Variants in TLL1 observed in about 807,000 individuals in gnomAD.
TLL1 encodes the protein tolloid-like protein 1.
TLL1 carries 49 observed loss-of-function variants against 128.2 expected under a neutral mutation model. That is an observed-to-expected ratio of 0.38 (90% CI 0.30 to 0.48). The LOEUF is 0.48. Ranked by LOEUF, TLL1 falls within the 20% of genes least tolerant of loss-of-function variation. TLL1 has a pLI of 0.96. For synonymous variants in TLL1, 454 were observed against 418.8 expected (o/e 1.08, Z -1.03); for missense variants, 1,123 against 1,242.0 (o/e 0.90, Z 1.44).
chr4:165,874,091 T>C lies in TLL1; in HGVS notation c.169+18T>C. Reference sequence around the variant, plus strand: ...TAAAGCCGGTAAGTGGCTCTCCAGGTTGGGACGGTGGCGCGCCGGGGGCCG... The same window carrying C: ...TAAAGCCGGTAAGTGGCTCTCCAGGCTGGGACGGTGGCGCGCCGGGGGCCG... On this transcript the variant is annotated intron_variant, in intron 1 of 20. Transcript: ENST00000061240. 6.2e-7 allele frequency: 1 copy of C among 1,613,872 alleles called. No individual in the cohort carries two copies. The highest frequency in any genetic ancestry group is 1.7e-4 in the Middle Eastern group (1 of 6,028).
intron 1 of TLL1, among the ~76,000 whole-genome samples, chr4:165,888,061 A>T (rs1449212075): frequency 6.6e-6 from 1 of 152,172 alleles, no homozygotes; most frequent in African/African-American, 2.4e-5. Context: ...CATATAGGCA[A>T]TCAGATTATC....
chr4:166,100,536 G>A (rs535233480), intron 20 of TLL1, among the ~76,000 whole-genome samples: 7 of 152,178 alleles, frequency 4.6e-5, no homozygotes, highest in South Asian at 4.1e-4. Context: ...CCGACTAGTC[G>A]CGTGAGCTCT....
intron 1 of TLL1, among the ~76,000 whole-genome samples, chr4:165,981,888 C>G (rs991961835): frequency 1.3e-5 from 2 of 151,918 alleles, no homozygotes; most frequent in African/African-American, 2.4e-5. Flanking sequence ...TCTGCAAACC[C>G]GAAAAGAAAA....
intron 7 of TLL1, among the ~76,000 whole-genome samples, chr4:166,013,762 A>G (rs1309794415): frequency 6.6e-6 from 1 of 151,784 alleles, no homozygotes; most frequent in East Asian, 1.9e-4. Flanking sequence ...TTTTACCACA[A>G]TCTTGAGTCC....
intron 9 of TLL1, among the ~76,000 whole-genome samples, chr4:166,039,049 T>C (rs927215949): frequency 6.6e-6 from 1 of 152,094 alleles, no homozygotes; most frequent in Admixed American, 6.5e-5. Context: ...TGCTTTACAA[T>C]TGTCCAGATT....
intron 1 of TLL1, among the ~76,000 whole-genome samples, chr4:165,959,260 T>C (rs185895878): frequency 6.6e-6 from 1 of 152,260 alleles, no homozygotes; most frequent in Admixed American, 6.5e-5. Context: ...AAGTCATCGG[T>C]AGCTTGATGG....
chr4:165,903,689 T>G (rs1402580435), intron 1 of TLL1, among the ~76,000 whole-genome samples: 1 of 151,140 alleles, frequency 6.6e-6, no homozygotes, highest in Admixed American at 6.6e-5. Flanking sequence ...GGGATTACCG[T>G]CGTAAGCCAC....
At chr4:165,926,988 C>T (rs1459962941) in intron 1 of TLL1, among the ~76,000 whole-genome samples, 6 of 152,112 alleles carry the variant, frequency 3.9e-5, no homozygotes, top group East Asian at 1.9e-4. Flanking sequence ...TAGCTCTGGC[C>T]ATTGACTATT....
intron 1 of TLL1, among the ~76,000 whole-genome samples, chr4:165,950,290 A>G (rs761895715): frequency 6.6e-6 from 1 of 152,156 alleles, no homozygotes; most frequent in Non-Finnish European, 1.5e-5. Flanking sequence ...ATGAAGCAAG[A>G]ACTGAAAAGA....
chr4:165,973,787 T>C (rs1309136504), intron 1 of TLL1, among the ~76,000 whole-genome samples: 2 of 151,982 alleles, frequency 1.3e-5, no homozygotes, highest in Non-Finnish European at 2.9e-5. Context: ...TGTCTCAGCC[T>C]TCCAAGCAAC....
At chr4:166,073,828 G>GC (rs765511681) in intron 16 of TLL1, among the ~76,000 whole-genome samples, 26 of 151,982 alleles carry the variant, frequency 1.7e-4, no homozygotes, top group Non-Finnish European at 2.2e-4. Context: ...TAATTTCTAG[G>GC]CCACCAAGAG....
chr4:166,096,406 C>G (rs1742025093), intron 19 of TLL1, among the ~76,000 whole-genome samples: 2 of 150,552 alleles, frequency 1.3e-5, no homozygotes, highest in Admixed American at 1.3e-4. Flanking sequence ...TAAATGTAGG[C>G]CATTTTTCTA....
intron 1 of TLL1, among the ~76,000 whole-genome samples, chr4:165,885,229 G>A (rs879425073): frequency 6.6e-6 from 1 of 152,084 alleles, no homozygotes; most frequent in African/African-American, 2.4e-5. Context: ...ACATCCTTTG[G>A]TTTTCCTGGG....
chr4:166,093,877 A>T (rs1007062850), intron 19 of TLL1, among the ~76,000 whole-genome samples: 1 of 152,148 alleles, frequency 6.6e-6, no homozygotes, highest in Non-Finnish European at 1.5e-5. Flanking sequence ...ACAGCCCTAG[A>T]TCCCTTAAAC....
chr4:166,037,392 A>C (rs1276230894), intron 9 of TLL1, among the ~76,000 whole-genome samples: 3 of 152,214 alleles, frequency 2.0e-5, no homozygotes, highest in African/African-American at 7.2e-5. Flanking sequence ...TTGCCTTTGG[A>C]TATTTTGAAA....
chr4:165,893,347 A>T (rs1466331887), intron 1 of TLL1, among the ~76,000 whole-genome samples: 1 of 152,204 alleles, frequency 6.6e-6, no homozygotes, highest in Non-Finnish European at 1.5e-5. Context: ...TATTGCTGGG[A>T]GATGGAAAAG....
chr4:165,919,762 A>G (rs1259281984), intron 1 of TLL1: 3 of 453,988 alleles, frequency 6.6e-6, no homozygotes, highest in Non-Finnish European at 1.3e-5. Flanking sequence ...ACGTGGATGC[A>G]GTATTAGTGC....
intron 12 of TLL1, chr4:166,044,509 G>T (rs905464963): frequency 3.3e-6 from 4 of 1,219,134 alleles, no homozygotes; most frequent in African/African-American, 1.5e-5. Context: ...ATTTCCTTTT[G>T]TTACCAAAAA....
chr4:165,909,129 G>GT (rs1732407256), intron 1 of TLL1, among the ~76,000 whole-genome samples: 1 of 152,168 alleles, frequency 6.6e-6, no homozygotes, highest in Admixed American at 6.6e-5. Flanking sequence ...AGAGGTTTCA[G>GT]TGAGCAGAGA....
Sources: allele counts gnomAD v4.1 joint callset (sites outside exome capture counted in the v4.1 genomes callset), GRCh38; gene constraint gnomAD v4.1.1; transcripts MANE v1.5; gene names NCBI Gene and HGNC (gene_info 2026-07-23, HGNC 2026-07-21).